WDR41: variants seen among roughly 807,000 people sequenced by gnomAD.
WDR41 encodes the protein WD repeat domain 41, also known as WD repeat-containing protein 41.
In WDR41, 63 loss-of-function variants were observed where a neutral mutation model predicts 69.3. That is an observed-to-expected ratio of 0.91 (90% CI 0.74 to 1.12). The LOEUF is 1.12. Ranked by LOEUF, WDR41 falls within the 50% of genes most tolerant of loss-of-function variation. The probability of loss-of-function intolerance (pLI) is 0.00; values close to 1 mark genes in which losing one functional copy is unlikely to be tolerated. For synonymous variants in WDR41, 185 were observed against 192.1 expected (o/e 0.96, Z 0.31); for missense variants, 543 against 534.5 (o/e 1.02, Z -0.16).
chr5:77,491,876 G>C, intron 1 of WDR41: 1 of 465,704 alleles, frequency 2.1e-6, no homozygotes, highest in South Asian at 3.5e-5. Flanking sequence ...GGTCCCAATA[G>C]GACTGCTGAC....
chr5:77,496,886 G>A (rs1801943557), upstream of WDR41, among the ~76,000 whole-genome samples: 1 of 152,144 alleles, frequency 6.6e-6, no homozygotes, highest in South Asian at 2.1e-4. Context: ...TAATAGTACT[G>A]GCACAAGGAC....
intron 2 of WDR41, among the ~76,000 whole-genome samples, chr5:77,466,555 G>A (rs1800316713): frequency 6.6e-6 from 1 of 151,858 alleles, no homozygotes; most frequent in South Asian, 2.1e-4. Flanking sequence ...AACTTCTTAT[G>A]ATTGTTTTAT....
intron 1 of WDR41, among the ~76,000 whole-genome samples, chr5:77,602,583 A>ATT (rs145117097): frequency 1.2e-4 from 17 of 142,196 alleles, no homozygotes; most frequent in African/African-American, 4.3e-4. Flanking sequence ...AAATGACATG[A>ATT]TTTTTTTTTC....
At chr5:77,508,851 T>C (rs866537451) in intron 1 of WDR41, among the ~76,000 whole-genome samples, 1 of 152,210 alleles carries the variant, frequency 6.6e-6, no homozygotes, top group Non-Finnish European at 1.5e-5. Flanking sequence ...TCCTTAGGCA[T>C]GGGACAGTCA....
intron 2 of WDR41, among the ~76,000 whole-genome samples, chr5:77,477,302 A>T (rs369802865): frequency 6.6e-6 from 1 of 150,784 alleles, no homozygotes; most frequent in Non-Finnish European, 1.5e-5. Context: ...AGGAATTGAA[A>T]TCAGCTCTGC....
intron 5 of WDR41, among the ~76,000 whole-genome samples, chr5:77,454,637 T>C (rs1799756995): frequency 6.6e-6 from 1 of 152,200 alleles, no homozygotes; most frequent in Admixed American, 6.5e-5. Context: ...GCCCTTTACC[T>C]TTAATAGTAC....
chr5:77,592,009 T>G (rs994263112), intron 1 of WDR41, among the ~76,000 whole-genome samples: 5 of 152,146 alleles, frequency 3.3e-5, no homozygotes, highest in Non-Finnish European at 5.9e-5. Context: ...TCTATTTATA[T>G]TTTTATATGT....
chr5:77,610,585 C>T (rs1205842472), intron 1 of WDR41, among the ~76,000 whole-genome samples: 27 of 151,652 alleles, frequency 1.8e-4, no homozygotes, highest in Non-Finnish European at 3.8e-4. Context: ...AAATAAAATA[C>T]TTTACAGACA....
intron 1 of WDR41, among the ~76,000 whole-genome samples, chr5:77,594,916 T>C (rs894923632): frequency 2.0e-5 from 3 of 152,142 alleles, no homozygotes; most frequent in Non-Finnish European, 4.4e-5. Flanking sequence ...CATTAGAAAA[T>C]AGATTCATGG....
intron 2 of WDR41, among the ~76,000 whole-genome samples, chr5:77,487,295 A>AG (rs1801566292): frequency 6.6e-6 from 1 of 152,362 alleles, no homozygotes; most frequent in Middle Eastern, 3.4e-3. Flanking sequence ...GCAACTTACT[A>AG]GGGTAAAATA....
rs1340331469 is a variant in WDR41 at position 77,492,221 on chromosome 5, C to T, written c.-1G>A. 1 of 1,612,692 alleles carries T rather than the reference C, an allele frequency of 6.2e-7. No individual in the cohort carries two copies. Among genetic ancestry groups the T allele is most frequent in the Admixed American group, 1.7e-5 (1 of 59,900 alleles). On this transcript the variant is annotated 5_prime_UTR_variant, in exon 1 of 13. Coordinates refer to ENST00000296679, the MANE Select transcript of WDR41 (RefSeq NM_018268.4). ...CTCCCCCGATCAGCCATCGCAACAT[C>T]CGGGCAGCGGCGGCGTCTTGCCCGG...
At chr5:77,547,910 G>A (rs955814786) in intron 1 of WDR41, among the ~76,000 whole-genome samples, 5 of 152,072 alleles carry the variant, frequency 3.3e-5, no homozygotes, top group African/African-American at 1.2e-4. Flanking sequence ...CACCAAAACA[G>A]CATGGTACTG....
chr5:77,529,140 AAAT>A (rs1802488853), intron 1 of WDR41, among the ~76,000 whole-genome samples: 1 of 151,626 alleles, frequency 6.6e-6, no homozygotes, highest in African/African-American at 2.4e-5. Flanking sequence ...ATAAAATACA[AAAT>A]AATCTACAGA....
At chr5:77,473,056 C>T (rs954233536) in intron 2 of WDR41, among the ~76,000 whole-genome samples, 5 of 152,086 alleles carry the variant, frequency 3.3e-5, no homozygotes, top group Admixed American at 3.3e-4. Context: ...CAGCATGATA[C>T]TGGTACCAAA....
upstream of WDR41, among the ~76,000 whole-genome samples, chr5:77,494,005 A>C (rs556713494): frequency 9.9e-5 from 15 of 152,054 alleles, 1 homozygote; most frequent in Middle Eastern, 6.8e-3. Context: ...CAATGTATAA[A>C]GATGTAATTT....
intron 2 of WDR41, among the ~76,000 whole-genome samples, chr5:77,481,631 A>G (rs1283238625): frequency 2.6e-5 from 4 of 152,006 alleles, no homozygotes; most frequent in Admixed American, 1.3e-4. Context: ...TTAAAAATAC[A>G]AAAATTAGCT....
chr5:77,516,910 G>A (rs139646785), intron 1 of WDR41, among the ~76,000 whole-genome samples: 20,838 of 151,660 alleles, frequency 0.14, 1,984 homozygotes, highest in African/African-American at 0.24. Flanking sequence ...CCAGCTACGC[G>A]GGAGGCTGAG....
At chr5:77,445,060 G>C (rs1217878089) in intron 8 of WDR41, among the ~76,000 whole-genome samples, 1 of 152,040 alleles carries the variant, frequency 6.6e-6, no homozygotes, top group Non-Finnish European at 1.5e-5. Context: ...CGAAAAGAGA[G>C]AAGAATCAAA....
chr5:77,511,752 C>T (rs17762315), intron 1 of WDR41, among the ~76,000 whole-genome samples: 11,571 of 151,890 alleles, frequency 0.076, 888 homozygotes, highest in East Asian at 0.26. Flanking sequence ...AGCTTAATTG[C>T]TGTATCTTTA....
Sources: gnomAD v4.1 joint callset for allele counts (sites outside exome capture counted in the v4.1 genomes callset) on GRCh38, gnomAD v4.1.1 for gene constraint, MANE v1.5 for transcripts, NCBI Gene and HGNC (gene_info 2026-07-23, HGNC 2026-07-21) for gene names.